Variants in RNF38 observed in about 807,000 individuals in gnomAD.
The protein encoded by RNF38 is E3 ubiquitin-protein ligase RNF38.
Under a neutral mutation model 67.2 loss-of-function variants are expected in RNF38, and 15 were observed. The ratio of observed to expected loss-of-function variants is 0.22; its 90% CI spans 0.15 to 0.34. The LOEUF (loss-of-function observed/expected upper bound fraction) is 0.34, where lower values mean the gene tolerates loss of function less well. RNF38 is among the 10% of genes least tolerant of loss of function. The pLI is 1.00. For missense variants in RNF38, 524 were observed against 639.9 expected, an observed-to-expected ratio of 0.82 and a Z score of 1.95; for synonymous variants, 220 against 218.8, an observed-to-expected ratio of 1.01 and a Z score of -0.05.
intron 3 of RNF38, among the ~76,000 whole-genome samples, chr9:36,375,206 TTAAA>T (rs1318688662): frequency 6.6e-6 from 1 of 152,212 alleles, no homozygotes; most frequent in Non-Finnish European, 1.5e-5. Context: ...GTTTTGTTTT[TTAAA>T]TACAGTGTCT....
rs1833307267 is a variant in RNF38 at position 36,347,139 on chromosome 9, G to GTT, written c.1264-2187_1264-2186insAA. On this transcript the variant is annotated intron_variant, in intron 9 of 11. Coordinates refer to ENST00000259605, the MANE Select transcript of RNF38 (RefSeq NM_022781.5). ...CCATCTCGGGGGGGGGGGGGGGGGG[G>GTT]GGGGGGGGGGAAGTAAATTGCCAAA... 4.9e-5 allele frequency among the ~76,000 whole-genome samples: 2 copies of GTT among 40,962 alleles called. 1 individual carries two copies. Among genetic ancestry groups the GTT allele is most frequent in the African/African-American group, 2.0e-4 (2 of 9,820 alleles). The allele number at this position is 40,962 out of a possible 152,430, so 26.9% of individuals were successfully genotyped here. A position where few individuals can be genotyped will look rare whatever the true frequency, so the allele number is the denominator to read the frequency against.
At chr9:36,406,488 G>A (rs1360636474) in intron 2 of RNF38, among the ~76,000 whole-genome samples, 3 of 152,182 alleles carry the variant, frequency 2.0e-5, no homozygotes, top group East Asian at 1.9e-4. Context: ...GGCCTCTCCT[G>A]TGTGTTCTAA....
rs962171652 is a variant in RNF38, at chr9:36,338,434, G to A, written c.*1318C>T. The A allele has an allele frequency of 7.9e-5, 12 of 152,108 alleles. No homozygotes were observed. Among genetic ancestry groups the A allele is most frequent in the Non-Finnish European group, 1.6e-4 (11 of 68,024 alleles). 9.4% of individuals were successfully genotyped at this position (152,108 alleles called of 1,614,324 possible). ...GGCAGTAAAATATCAAAACAAATCA[G>A]GTCTAAGGAACATGAGCTGTAACAG... is the stretch of plus-strand genomic sequence containing the variant. On this transcript the variant is annotated 3_prime_UTR_variant, in exon 12 of 12. Transcript: ENST00000259605.
chr9:36,428,573 C>G (rs1331627404), intron 1 of RNF38, among the ~76,000 whole-genome samples: 2 of 151,868 alleles, frequency 1.3e-5, no homozygotes, highest in African/African-American at 4.8e-5. Flanking sequence ...TAACATACAT[C>G]AAGTTTTGTT....
chr9:36,469,195 T>C (rs1839935895), intron 1 of RNF38, among the ~76,000 whole-genome samples: 1 of 152,178 alleles, frequency 6.6e-6, no homozygotes. Context: ...TCATCTTTGT[T>C]ATCAGTTAGG....
In RNF38 at chr9:36,340,943, T is replaced by C. The variant is rs571949626; in HGVS notation, c.1486-1129A>G. 7.4e-4 allele frequency among the ~76,000 whole-genome samples: 112 copies of C among 152,154 alleles called. No homozygotes were observed. The South Asian group carries it at 0.022, about 30-fold the overall frequency. On this transcript the variant is annotated intron_variant, in intron 11 of 11. Coordinates refer to ENST00000259605, the MANE Select transcript of RNF38 (RefSeq NM_022781.5). The stretch of plus-strand genomic sequence containing the variant: ...TTTCTGCATTACAGTAATTCTCAAA[T>C]CAGTCCCTCTTTTCATCTAGTTGCT...
At chr9:36,455,004 T>C (rs1839553180) in intron 1 of RNF38, among the ~76,000 whole-genome samples, 1 of 152,170 alleles carries the variant, frequency 6.6e-6, no homozygotes, top group Non-Finnish European at 1.5e-5. Flanking sequence ...TCATCAGTAT[T>C]CAACTCCCAT....
intron 1 of RNF38, among the ~76,000 whole-genome samples, chr9:36,482,065 T>C (rs1240002942): frequency 2.7e-5 from 4 of 150,122 alleles, no homozygotes; most frequent in Non-Finnish European, 5.9e-5. Context: ...TTTTTTTTTT[T>C]TTTTTGAGAC....
chr9:36,428,731 G>C (rs895642267), intron 1 of RNF38, among the ~76,000 whole-genome samples: 1 of 152,150 alleles, frequency 6.6e-6, no homozygotes, highest in Non-Finnish European at 1.5e-5. Context: ...AAAGCTGGGG[G>C]AAGTGACCTC....
intron 1 of RNF38, among the ~76,000 whole-genome samples, chr9:36,399,509 C>T (rs1837830802): frequency 6.8e-6 from 1 of 147,390 alleles, no homozygotes; most frequent in Non-Finnish European, 1.5e-5. Flanking sequence ...TTATATAATA[C>T]CATATTATAA....
intron 6 of RNF38, 65 bp downstream of exon 6, chr9:36,356,238 C>T (rs569325708): frequency 1.3e-6 from 2 of 1,515,458 alleles, no homozygotes; most frequent in South Asian, 2.4e-5. Flanking sequence ...CTGGCCTAAA[C>T]ATTCTGAAAA....
chr9:36,363,172 C>T (rs1373381161), intron 4 of RNF38, among the ~76,000 whole-genome samples: 1 of 99,384 alleles, frequency 1.0e-5, no homozygotes, highest in East Asian at 2.6e-4. Context: ...CACTTGGGCT[C>T]GAGGGATCCT....
intron 2 of RNF38, among the ~76,000 whole-genome samples, chr9:36,387,557 T>G (rs984576627): frequency 4.6e-5 from 7 of 152,230 alleles, no homozygotes; most frequent in Admixed American, 1.3e-4. Context: ...GGGGGTGTTT[T>G]ATTATTCATT....
chr9:36,385,531 A>G (rs1338181698), intron 2 of RNF38, among the ~76,000 whole-genome samples: 1 of 152,146 alleles, frequency 6.6e-6, no homozygotes, highest in Non-Finnish European at 1.5e-5. Context: ...GGCATGTGCC[A>G]CCACATCCGG....
intron 4 of RNF38, 121 bp downstream of exon 4, chr9:36,369,598 T>TTA (rs1835223521): frequency 1.3e-6 from 1 of 743,210 alleles, no homozygotes; most frequent in African/African-American, 1.8e-5. Flanking sequence ...AATGAGGAAC[T>TTA]TAAATAACTT....
At chr9:36,347,764 A>C (rs567926132) in intron 9 of RNF38, among the ~76,000 whole-genome samples, 2 of 152,286 alleles carry the variant, frequency 1.3e-5, no homozygotes, top group African/African-American at 4.8e-5. Context: ...GAAGAGTCAC[A>C]TGTGTCTCAC....
chr9:36,401,786 ATG>A, upstream of RNF38, among the ~76,000 whole-genome samples: 1 of 152,228 alleles, frequency 6.6e-6, no homozygotes, highest in Non-Finnish European at 1.5e-5. Context: ...CAGAAATTAG[ATG>A]TTTCCCGCAA....
At chr9:36,372,456 A>C (rs1447975069) in intron 3 of RNF38, 1 of 665,296 alleles carries the variant, frequency 1.5e-6, no homozygotes, top group East Asian at 2.7e-5. Context: ...TCCCTCTTTC[A>C]CTTCATTCGT....
chr9:36,433,251 T>C (rs901891167), intron 1 of RNF38, among the ~76,000 whole-genome samples: 19 of 151,602 alleles, frequency 1.3e-4, no homozygotes, highest in Non-Finnish European at 1.6e-4. Flanking sequence ...AGTTTAATTA[T>C]ACATTCTAAA....
Sources: gnomAD v4.1 joint callset for allele counts (sites outside exome capture counted in the v4.1 genomes callset) on GRCh38, gnomAD v4.1.1 for gene constraint, MANE v1.5 for transcripts, NCBI Gene and HGNC (gene_info 2026-07-23, HGNC 2026-07-21) for gene names.